Variants in SUPT3H observed in about 807,000 individuals in gnomAD.
SUPT3H encodes the protein transcription initiation protein SPT3 homolog.
Under a neutral mutation model 44.3 loss-of-function variants are expected in SUPT3H, and 44 were observed. The observed-to-expected ratio is 0.99, with a 90% CI of 0.78 to 1.28. SUPT3H has a LOEUF of 1.28. SUPT3H is among the 50% of genes most tolerant of loss of function. The probability of loss-of-function intolerance (pLI) is 0.00; values close to 1 mark genes in which losing one functional copy is unlikely to be tolerated. For missense variants in SUPT3H, 380 were observed against 387.1 expected, an observed-to-expected ratio of 0.98 and a Z score of 0.15; for synonymous variants, 124 against 125.6, an observed-to-expected ratio of 0.99 and a Z score of 0.09.
At chr6:45,059,055 T>C (rs183084816) in intron 3 of SUPT3H, among the ~76,000 whole-genome samples, 360 of 152,286 alleles carry the variant, frequency 2.4e-3, no homozygotes, top group African/African-American at 8.0e-3. Flanking sequence ...TGAGTCTTAC[T>C]AATCTTTGCT....
chr6:45,091,309 CTCTTTTTCAATTACT>C (rs1797091675), intron 3 of SUPT3H, among the ~76,000 whole-genome samples: 1 of 151,950 alleles, frequency 6.6e-6, no homozygotes, highest in Non-Finnish European at 1.5e-5. Context: ...CTTGGCACTT[CTCTTTTTCAATTACT>C]TCTTTTTCAA....
intron 9 of SUPT3H, among the ~76,000 whole-genome samples, chr6:44,952,887 T>C (rs1471252445): frequency 6.6e-6 from 1 of 152,210 alleles, no homozygotes; most frequent in Non-Finnish European, 1.5e-5. Context: ...TTTTTAGAGA[T>C]GAATCAATAA....
chr6:45,019,283 C>G (rs1180310066), intron 4 of SUPT3H, among the ~76,000 whole-genome samples: 1 of 151,696 alleles, frequency 6.6e-6, no homozygotes, highest in Non-Finnish European at 1.5e-5. Context: ...TTTTGTTGAT[C>G]CTTTCAAAAA....
intron 2 of SUPT3H, among the ~76,000 whole-genome samples, chr6:45,275,366 A>G (rs2153663727): frequency 6.6e-6 from 1 of 152,258 alleles, no homozygotes; most frequent in South Asian, 2.1e-4. Flanking sequence ...GTTTTACTTT[A>G]CCATTTTTTT....
intron 3 of SUPT3H, among the ~76,000 whole-genome samples, chr6:45,039,726 A>G (rs530581624): frequency 1.3e-5 from 2 of 152,162 alleles, no homozygotes; most frequent in East Asian, 1.9e-4. Flanking sequence ...GTTCCACTGC[A>G]GTGAGCCGAG....
rs148102758 is a variant in SUPT3H, at chr6:44,858,949, A to G, written c.913-29092T>C. Among the ~76,000 whole-genome samples the G allele has an allele frequency of 6.5e-3, 993 of 152,332 alleles. 12 individuals are homozygous for G. The highest frequency in any genetic ancestry group is 0.023 in the African/African-American group (938 of 41,574). ...TCCAGGATGACAAAAAGCCAAAGAT[A>G]AAAGAAAAAAAGAATCTGGAATTGA... On this transcript the variant is annotated intron_variant, in intron 10 of 10. Transcript: ENST00000371459.
intron 2 of SUPT3H, among the ~76,000 whole-genome samples, chr6:45,296,862 T>C (rs116761950): frequency 0.013 from 1,938 of 148,172 alleles, 44 homozygotes; most frequent in South Asian, 0.065. Context: ...AAACACCACC[T>C]GTGCCCCGTG....
intron 5 of SUPT3H, among the ~76,000 whole-genome samples, chr6:45,014,135 T>C (rs940049318): frequency 3.3e-5 from 5 of 152,086 alleles, no homozygotes; most frequent in African/African-American, 4.8e-5. Flanking sequence ...TATTTTACTT[T>C]ATAATTTCTA....
chr6:44,919,028 T>G (rs147962493), intron 10 of SUPT3H, among the ~76,000 whole-genome samples: 4 of 152,356 alleles, frequency 2.6e-5, no homozygotes, highest in African/African-American at 9.6e-5. Context: ...GCAAGTCTCC[T>G]TTAGAAGCAT....
In SUPT3H at chr6:44,828,023, A is replaced by G. The variant is rs1767958548; in HGVS notation, c.*1793T>C. 6.6e-6 allele frequency among the ~76,000 whole-genome samples: 1 copy of G among 152,126 alleles called. No homozygotes were observed. Among genetic ancestry groups the G allele is most frequent in the Admixed American group, 6.6e-5 (1 of 15,264 alleles). ...AAGGAGATCAGGTGGAATAAAACGAAGGAAAAAAACCCAAACCCTATATTT... is the reference window on the plus strand; with the variant it reads ...AAGGAGATCAGGTGGAATAAAACGAGGGAAAAAAACCCAAACCCTATATTT... On this transcript the variant is annotated 3_prime_UTR_variant, in exon 11 of 11. Transcript: ENST00000371459.
intron 3 of SUPT3H, among the ~76,000 whole-genome samples, chr6:45,043,116 G>A (rs1378132874): frequency 6.9e-6 from 1 of 144,838 alleles, no homozygotes; most frequent in Non-Finnish European, 1.5e-5. Flanking sequence ...CACTTTTCTG[G>A]GAGCCTTGTA....
At chr6:45,032,068 C>T (rs557109829) in intron 3 of SUPT3H, among the ~76,000 whole-genome samples, 26 of 152,104 alleles carry the variant, frequency 1.7e-4, no homozygotes, top group Non-Finnish European at 3.5e-4. Context: ...GGTCTCTATC[C>T]ATTTCTCATC....
intron 2 of SUPT3H, among the ~76,000 whole-genome samples, chr6:45,110,244 G>A (rs1799850975): frequency 6.6e-6 from 1 of 152,166 alleles, no homozygotes; most frequent in Admixed American, 6.5e-5. Context: ...AACTGACTCT[G>A]CAATCCGCTT....
chr6:45,224,092 T>C (rs1426170781), intron 2 of SUPT3H, among the ~76,000 whole-genome samples: 1 of 150,444 alleles, frequency 6.6e-6, no homozygotes, highest in East Asian at 1.9e-4. Flanking sequence ...AAAGGCAATA[T>C]ATTTTCAGTT....
At chr6:44,995,859 T>C (rs1182514845) in intron 6 of SUPT3H, among the ~76,000 whole-genome samples, 1 of 152,010 alleles carries the variant, frequency 6.6e-6, no homozygotes, top group Non-Finnish European at 1.5e-5. Context: ...CAAAACAGCA[T>C]AAATTTATAA....
chr6:45,073,819 TAGG>T (rs1794682915), intron 3 of SUPT3H, among the ~76,000 whole-genome samples: 1 of 151,944 alleles, frequency 6.6e-6, no homozygotes, highest in African/African-American at 2.4e-5. Context: ...AAGGTGAGAA[TAGG>T]AGGAGGGATA....
At chr6:45,349,463 C>T (rs1465624969) in intron 2 of SUPT3H, among the ~76,000 whole-genome samples, 2 of 152,150 alleles carry the variant, frequency 1.3e-5, no homozygotes, top group African/African-American at 4.8e-5. Context: ...GTCTCTGGAT[C>T]ACCAACATCA....
intron 2 of SUPT3H, among the ~76,000 whole-genome samples, chr6:45,306,158 C>T (rs1174865956): frequency 6.6e-6 from 1 of 152,204 alleles, no homozygotes; most frequent in Non-Finnish European, 1.5e-5. Context: ...CAGGTCTCAA[C>T]TCCAAGGCCA....
At chr6:45,211,647 G>A (rs954240015) in intron 2 of SUPT3H, among the ~76,000 whole-genome samples, 2 of 151,968 alleles carry the variant, frequency 1.3e-5, no homozygotes, top group Admixed American at 6.6e-5. Context: ...TAAAGAGATC[G>A]AGACCATCCT....
Sources: gnomAD v4.1 joint callset for allele counts (sites outside exome capture counted in the v4.1 genomes callset) on GRCh38, gnomAD v4.1.1 for gene constraint, MANE v1.5 for transcripts, NCBI Gene and HGNC (gene_info 2026-07-23, HGNC 2026-07-21) for gene names.